THRB: variants seen among roughly 807,000 people sequenced by gnomAD.
The protein encoded by THRB is nuclear receptor subfamily 1 group A member 2.
THRB carries 12 observed loss-of-function variants against 47.8 expected under a neutral mutation model. The ratio of observed to expected loss-of-function variants is 0.25; its 90% confidence interval spans 0.16 to 0.41. The LOEUF is 0.41. Among genes scored for constraint, THRB ranks in the 10% least tolerant of loss-of-function variants. THRB has a pLI of 1.00. For synonymous variants in THRB, 218 were observed against 212.2 expected, an observed-to-expected ratio of 1.03 and a Z score of -0.24; for missense variants, 348 against 589.2, an observed-to-expected ratio of 0.59 and a Z score of 4.24.
chr3:24,429,810 G>A lies in THRB; in HGVS notation c.-261+64842C>T, dbSNP rs567976983. Among the ~76,000 whole-genome samples the A allele has an allele frequency of 4.6e-5, 7 of 152,098 alleles. No homozygotes were observed. The East Asian group carries it at 7.8e-4, about 17-fold the overall frequency. On this transcript the variant is annotated intron_variant, in intron 1 of 10. Transcript: ENST00000646209. ...ATTACAGGCATGAGCCACTGTGCCCGGACTCAGATGAAATTTACAGAAGAA... is the reference window on the plus strand; with the variant it reads ...ATTACAGGCATGAGCCACTGTGCCCAGACTCAGATGAAATTTACAGAAGAA...
chr3:24,119,007 T>C lies in THRB; in HGVS notation c.*3877A>G, dbSNP rs1328563617. 1.5e-5 allele frequency: 2 copies of C among 130,210 alleles called. No homozygotes were observed. Among genetic ancestry groups the C allele is most frequent in the African/African-American group, 5.5e-5 (2 of 36,488 alleles). The allele number at this position is 130,210 out of a possible 1,614,324, so 8.1% of individuals were successfully genotyped here. On this transcript the variant is annotated 3_prime_UTR_variant, in exon 11 of 11. Coordinates refer to ENST00000646209, the MANE Select transcript of THRB (RefSeq NM_001354712.2). The stretch of plus-strand genomic sequence containing the variant: ...TTTTTTTTTTTTTTTTTTTTTTGAG[T>C]GTGTTTTTAATGCATTTTTTTTAAA...
intron 2 of THRB, among the ~76,000 whole-genome samples, chr3:24,318,821 G>A (rs559590702): frequency 2.0e-5 from 3 of 152,318 alleles, no homozygotes; most frequent in East Asian, 1.9e-4. Flanking sequence ...AGGGATGTGG[G>A]TGAGGAATTT....
chr3:24,132,744 G>A (rs1326041140), intron 9 of THRB, among the ~76,000 whole-genome samples: 3 of 152,172 alleles, frequency 2.0e-5, no homozygotes, highest in Admixed American at 6.5e-5. Context: ...AGGAAAAGAC[G>A]AAAGATTTGT....
intron 4 of THRB, among the ~76,000 whole-genome samples, chr3:24,225,928 A>T (rs1267209853): frequency 1.3e-5 from 2 of 152,218 alleles, no homozygotes; most frequent in African/African-American, 4.8e-5. Context: ...TAGGTGGCGT[A>T]AAGCAGTGAG....
intron 6 of THRB, among the ~76,000 whole-genome samples, chr3:24,151,968 G>C (rs990747448): frequency 5.3e-5 from 8 of 152,112 alleles, no homozygotes; most frequent in African/African-American, 1.9e-4. Flanking sequence ...CAGACTAACA[G>C]CAGAAAACAG....
intron 5 of THRB, among the ~76,000 whole-genome samples, chr3:24,168,530 A>G (rs1381249695): frequency 7.3e-6 from 1 of 136,262 alleles, no homozygotes; most frequent in Admixed American, 7.2e-5. Flanking sequence ...TGTGACTTAT[A>G]GAAAGTCCGC....
rs193110107 is a variant in THRB, at chr3:24,201,132, T to C, written c.23-10798A>G. ...TGTAATCTATTCTATGATTTTTTTT[T>C]TTTAAGTTTAGGAAAATGAAGAGAA... On this transcript the variant is annotated intron_variant, in intron 4 of 10. Transcript: ENST00000646209. 2.0e-3 allele frequency among the ~76,000 whole-genome samples: 297 copies of C among 152,284 alleles called. 1 individual carries two copies. The highest frequency in any genetic ancestry group is 6.6e-3 in the African/African-American group (275 of 41,548).
At chr3:24,418,212 C>T in intron 1 of THRB, among the ~76,000 whole-genome samples, 1 of 150,894 alleles carries the variant, frequency 6.6e-6, no homozygotes, top group East Asian at 2.0e-4. Context: ...TTTGCACATT[C>T]ATGTGCACAT....
chr3:24,340,400 TTCTC>T (rs145048631), intron 1 of THRB, among the ~76,000 whole-genome samples: 14 of 148,622 alleles, frequency 9.4e-5, no homozygotes, highest in South Asian at 6.4e-4. Context: ...CCACCTTCTT[TTCTC>T]TCTCTCTCTC....
chr3:24,387,823 T>C (rs1413550134), intron 1 of THRB, among the ~76,000 whole-genome samples: 1 of 152,042 alleles, frequency 6.6e-6, no homozygotes, highest in Non-Finnish European at 1.5e-5. Flanking sequence ...CCTGTTCCAC[T>C]AGCTTCTGTG....
At chr3:24,373,833 C>T (rs1051938426) in intron 1 of THRB, among the ~76,000 whole-genome samples, 2 of 152,066 alleles carry the variant, frequency 1.3e-5, no homozygotes, top group African/African-American at 4.8e-5. Flanking sequence ...TACCAGTGGC[C>T]ATACTGCAAC....
rs114647217 is a variant in THRB, at chr3:24,312,276, G to C, written c.-188-14905C>G. Among the ~76,000 whole-genome samples the C allele has an allele frequency of 3.9e-5, 6 of 152,218 alleles. No homozygotes were observed. In the South Asian group the frequency reaches 1.0e-3, roughly 26 times the overall value. On this transcript the variant is annotated intron_variant, in intron 2 of 10. Transcript: ENST00000646209. The stretch of plus-strand genomic sequence containing the variant: ...AATTATCTTCTGTGGTAATTGTCTG[G>C]GTCCCCAGTAGTCTGAAAAGCAGCA...
intron 2 of THRB, among the ~76,000 whole-genome samples, chr3:24,329,491 A>G (rs777594218): frequency 1.3e-5 from 2 of 152,192 alleles, no homozygotes; most frequent in African/African-American, 2.4e-5. Flanking sequence ...GCATATTTAT[A>G]TCATAACATG....
chr3:24,475,563 A>T (rs1047701534), intron 1 of THRB, among the ~76,000 whole-genome samples: 1 of 152,202 alleles, frequency 6.6e-6, no homozygotes, highest in Non-Finnish European at 1.5e-5. Context: ...ATAGATATAA[A>T]ATCTGAAAGG....
chr3:24,382,258 G>GA (rs1405803565), intron 1 of THRB, among the ~76,000 whole-genome samples: 1 of 151,656 alleles, frequency 6.6e-6, no homozygotes, highest in African/African-American at 2.4e-5. Flanking sequence ...GCGTCATTAG[G>GA]AAAAAAAATA....
chr3:24,230,644 C>G (rs2048162838), intron 3 of THRB, among the ~76,000 whole-genome samples: 1 of 152,112 alleles, frequency 6.6e-6, no homozygotes. Flanking sequence ...GACTCTGTTG[C>G]TCCTCTTAGA....
chr3:24,279,560 T>TA (rs1401188050), intron 3 of THRB, among the ~76,000 whole-genome samples: 1 of 62,352 alleles, frequency 1.6e-5, no homozygotes, highest in Non-Finnish European at 4.2e-5. Context: ...AATTTTTTTG[T>TA]ATTTTTTTTT....
chr3:24,361,758 A>G (rs146104095), intron 1 of THRB, among the ~76,000 whole-genome samples: 10 of 152,264 alleles, frequency 6.6e-5, no homozygotes, highest in African/African-American at 2.4e-4. Flanking sequence ...GTCTCTAATG[A>G]TGTGAAGCTG....
At chr3:24,468,686 C>G (rs1416754302) in intron 1 of THRB, among the ~76,000 whole-genome samples, 1 of 152,086 alleles carries the variant, frequency 6.6e-6, no homozygotes, top group African/African-American at 2.4e-5. Context: ...GTCGTTTGTA[C>G]TGCCCCAAAA....
Sources: gnomAD v4.1 joint callset for allele counts (sites outside exome capture counted in the v4.1 genomes callset) on GRCh38, gnomAD v4.1.1 for gene constraint, MANE v1.5 for transcripts, NCBI Gene and HGNC (gene_info 2026-07-23, HGNC 2026-07-21) for gene names.